The following ABI1 variants were observed in gnomAD, a reference collection of about 807,000 sequenced individuals.
ABI1 encodes the protein abl interactor 1.
Under a neutral mutation model 54.6 loss-of-function variants are expected in ABI1, and 14 were observed. That is an observed-to-expected ratio of 0.26 (90% CI 0.17 to 0.40). The LOEUF is 0.40. Ranked by LOEUF, ABI1 falls within the 10% of genes least tolerant of loss-of-function variation. ABI1 has a pLI of 1.00. For missense variants in ABI1, 443 were observed against 598.3 expected, an observed-to-expected ratio of 0.74 and a Z score of 2.71; for synonymous variants, 194 against 209.3, an observed-to-expected ratio of 0.93 and a Z score of 0.63.
intron 7 of ABI1, among the ~76,000 whole-genome samples, chr10:26,760,081 TTA>T (rs1838927717): frequency 6.7e-6 from 1 of 150,018 alleles, no homozygotes; most frequent in Non-Finnish European, 1.5e-5. Flanking sequence ...GAATCTGCTT[TTA>T]AAAAAAAAAA....
chr10:26,770,209 T>A, intron 5 of ABI1, 36 bp downstream of exon 5: 1 of 1,545,152 alleles, frequency 6.5e-7, no homozygotes, highest in Non-Finnish European at 8.9e-7. Context: ...TCCTTTAGCA[T>A]ATGAATTCTT....
intron 1 of ABI1, among the ~76,000 whole-genome samples, chr10:26,856,433 C>CAAAAAAAA (rs58195958): frequency 3.5e-5 from 2 of 57,770 alleles, no homozygotes; most frequent in South Asian, 5.5e-4. Flanking sequence ...ATCTGTTACT[C>CAAAAAAAA]AAAAAAAAAA....
At chr10:26,782,619 A>T (rs1564492525) in intron 2 of ABI1, among the ~76,000 whole-genome samples, 1 of 151,654 alleles carries the variant, frequency 6.6e-6, no homozygotes, top group Non-Finnish European at 1.5e-5. Flanking sequence ...GCTACTCGGG[A>T]GGCTGAGGCA....
chr10:26,817,019 T>TGA (rs1554824408), intron 2 of ABI1, among the ~76,000 whole-genome samples: 2 of 150,798 alleles, frequency 1.3e-5, no homozygotes, highest in African/African-American at 2.4e-5. Context: ...TGTGTGTGTG[T>TGA]GACGGAGTCT....
At chr10:26,817,798 A>G (rs1406867707) in intron 2 of ABI1, among the ~76,000 whole-genome samples, 1 of 152,170 alleles carries the variant, frequency 6.6e-6, no homozygotes, top group African/African-American at 2.4e-5. Flanking sequence ...TCACCAGCAG[A>G]ATAGAGCAAC....
chr10:26,748,749 T>C lies in ABI1; in HGVS notation c.1271-4A>G, dbSNP rs1339678510. The C allele has an allele frequency of 1.9e-6, 3 of 1,604,446 alleles. No homozygotes were observed. Among genetic ancestry groups the C allele is most frequent in the African/African-American group, 2.7e-5 (2 of 74,606 alleles). On this transcript the variant is annotated splice_region_variant and splice_polypyrimidine_tract_variant and intron_variant, in intron 10 of 10. Transcript: ENST00000376140. Reference sequence around the variant, plus strand: ...GTATAATCATATATTGCAACAACTATGGAAAAAACAGTTGAAATATCACAT... The same window carrying C: ...GTATAATCATATATTGCAACAACTACGGAAAAAACAGTTGAAATATCACAT...
intron 1 of ABI1, among the ~76,000 whole-genome samples, chr10:26,857,550 G>A (rs753561266): frequency 1.1e-4 from 17 of 150,880 alleles, no homozygotes; most frequent in Non-Finnish European, 2.2e-4. Context: ...GGGCTGAGGT[G>A]GGAGGATCTC....
At chr10:26,857,292 G>C (rs570900328) in intron 1 of ABI1, among the ~76,000 whole-genome samples, 1 of 123,436 alleles carries the variant, frequency 8.1e-6, no homozygotes, top group Non-Finnish European at 1.6e-5. Flanking sequence ...TTGCACTCCA[G>C]CCCAGGCAAT....
intron 2 of ABI1, among the ~76,000 whole-genome samples, chr10:26,810,372 G>A (rs1181569893): frequency 6.6e-6 from 1 of 151,872 alleles, no homozygotes; most frequent in Admixed American, 6.6e-5. Flanking sequence ...GGCTCCTTAA[G>A]GAATTTCAGC....
chr10:26,748,245 T>A lies in ABI1; in HGVS notation c.*325A>T, dbSNP rs1837155626. The A allele has an allele frequency of 3.9e-6, 1 of 253,342 alleles. No individual in the cohort carries two copies. 15.7% of individuals were successfully genotyped at this position (253,342 alleles called of 1,614,324 possible). A position where few individuals can be genotyped will look rare whatever the true frequency, so the allele number is the denominator to read the frequency against. On this transcript the variant is annotated 3_prime_UTR_variant, in exon 11 of 11. Coordinates refer to ENST00000376140, the MANE Select transcript of ABI1 (RefSeq NM_001012750.3). ...TTAGTAACCATGCTGCACTGAAACA[T>A]GTAATGGTACAATCTGAATCATGAT...
At chr10:26,850,873 G>A (rs1399633391) in intron 1 of ABI1, among the ~76,000 whole-genome samples, 1 of 152,046 alleles carries the variant, frequency 6.6e-6, no homozygotes, top group African/African-American at 2.4e-5. Flanking sequence ...AGATTTAGAT[G>A]GGAATAAATA....
chr10:26,761,661 T>TATATATATACACACACAC (rs1375832167), intron 7 of ABI1, among the ~76,000 whole-genome samples: 4 of 78,940 alleles, frequency 5.1e-5, no homozygotes, highest in African/African-American at 1.6e-4. Context: ...TATATATATA[T>TATATATATACACACACAC]ACACACACAC....
At chr10:26,829,061 C>A (rs1245201202) in intron 1 of ABI1, among the ~76,000 whole-genome samples, 1 of 151,766 alleles carries the variant, frequency 6.6e-6, no homozygotes, top group Non-Finnish European at 1.5e-5. Context: ...CCCATCTCTA[C>A]TAAAAATACA....
intron 10 of ABI1, 143 bp from the exon 11 acceptor site, chr10:26,748,888 T>C (rs1837255328): frequency 3.0e-6 from 2 of 656,260 alleles, no homozygotes. Context: ...TCAATATAAG[T>C]AGGTCAGTGG....
rs117822797 is a variant in ABI1, at chr10:26,796,399, G to C, written c.286-19158C>G. Among the ~76,000 whole-genome samples the C allele has an allele frequency of 5.7e-4, 86 of 152,208 alleles. 1 individual carries two copies. In the East Asian group the frequency reaches 0.015, roughly 26 times the overall value. On this transcript the variant is annotated intron_variant, in intron 2 of 10. Coordinates refer to ENST00000376140, the MANE Select transcript of ABI1 (RefSeq NM_001012750.3). The stretch of plus-strand genomic sequence containing the variant: ...ACCTTTTCTATGTTTAGACATGCTT[G>C]GATACACAAATACCACTGTGTTCCA...
chr10:26,779,698 T>G (rs1841867704), intron 2 of ABI1, among the ~76,000 whole-genome samples: 1 of 152,200 alleles, frequency 6.6e-6, no homozygotes, highest in Admixed American at 6.5e-5. Flanking sequence ...TTGCTGGCTA[T>G]CTTAGTGCTC....
At chr10:26,844,153 C>T (rs2049800233) in intron 1 of ABI1, among the ~76,000 whole-genome samples, 1 of 152,174 alleles carries the variant, frequency 6.6e-6, no homozygotes, top group Non-Finnish European at 1.5e-5. Context: ...ACACTACTCA[C>T]AGCTCTCCCA....
intron 1 of ABI1, among the ~76,000 whole-genome samples, chr10:26,856,882 G>A (rs1167975345): frequency 6.6e-6 from 1 of 152,144 alleles, no homozygotes; most frequent in Middle Eastern, 3.2e-3. Flanking sequence ...AAGGCAGTAT[G>A]AACTAACTCT....
chr10:26,758,178 A>T (rs1838589819), intron 8 of ABI1, among the ~76,000 whole-genome samples: 1 of 151,746 alleles, frequency 6.6e-6, no homozygotes, highest in Non-Finnish European at 1.5e-5. Context: ...CTATGTAAAT[A>T]TGGAGAATTC....
Sources: gnomAD v4.1 joint callset for allele counts (sites outside exome capture counted in the v4.1 genomes callset) on GRCh38, gnomAD v4.1.1 for gene constraint, MANE v1.5 for transcripts, NCBI Gene and HGNC (gene_info 2026-07-23, HGNC 2026-07-21) for gene names.